PUDP: variants seen among roughly 807,000 people sequenced by gnomAD.
The protein encoded by PUDP is pseudouridine-5'-phosphatase.
PUDP carries 8 observed loss-of-function variants against 9.4 expected under a neutral mutation model. That is an observed-to-expected ratio of 0.85 (90% CI 0.50 to 1.53). The LOEUF (loss-of-function observed/expected upper bound fraction) is 1.53, where lower values mean the gene tolerates loss of function less well. Among genes scored for constraint, PUDP ranks in the 40% most tolerant of loss-of-function variants. PUDP has a pLI of 0.00. For synonymous variants in PUDP, 99 were observed against 80.7 expected (o/e 1.23, Z -1.22); for missense variants, 188 against 189.7 (o/e 0.99, Z 0.05).
intron 1 of PUDP, among the ~76,000 whole-genome samples, chrX:7,117,765 TCA>T (rs1190498728): frequency 5.3e-5 from 6 of 112,918 alleles, no homozygotes; most frequent in African/African-American, 1.6e-4. Flanking sequence ...GGGAAAGGTC[TCA>T]CAGGTATTTC....
At chrX:6,829,918 C>T (rs1383972761) in intron 3 of PUDP, among the ~76,000 whole-genome samples, 1 of 110,383 alleles carries the variant, frequency 9.1e-6, no homozygotes, top group Admixed American at 9.8e-5. Flanking sequence ...AGTACTCCAG[C>T]GTTCACGCAA....
At chrX:6,825,366 G>A (rs964659902) in intron 3 of PUDP, among the ~76,000 whole-genome samples, 10 of 111,165 alleles carry the variant, frequency 9.0e-5, no homozygotes, top group Non-Finnish European at 1.9e-4. Flanking sequence ...GCTTAGCACC[G>A]GGTCATTCCC....
chrX:6,992,838 T>C (rs1929203483), intron 1 of PUDP, among the ~76,000 whole-genome samples: 1 of 111,735 alleles, frequency 8.9e-6, no homozygotes, highest in African/African-American at 3.3e-5. Flanking sequence ...TTAATCTGGG[T>C]AGGCACCATT....
intron 1 of PUDP, among the ~76,000 whole-genome samples, chrX:7,108,520 T>C (rs1291989257): frequency 9.0e-6 from 1 of 111,055 alleles, no homozygotes; most frequent in Non-Finnish European, 1.9e-5. Flanking sequence ...CCCTCTTCCC[T>C]GCAGAAGACC....
intron 3 of PUDP, among the ~76,000 whole-genome samples, chrX:6,750,973 A>G (rs1602606257): frequency 1.8e-5 from 2 of 110,284 alleles, no homozygotes; most frequent in East Asian, 2.9e-4. Context: ...CCCCGTCTCT[A>G]GCAAAAATAC....
At chrX:7,076,128 C>CA (rs1326039849) in intron 3 of PUDP, among the ~76,000 whole-genome samples, 1 of 111,295 alleles carries the variant, frequency 9.0e-6, no homozygotes, top group Admixed American at 9.5e-5. Context: ...GCACCCTGGG[C>CA]AAAAAACAAA....
intron 3 of PUDP, among the ~76,000 whole-genome samples, chrX:7,065,470 C>G (rs1328867760): frequency 8.9e-6 from 1 of 112,453 alleles, no homozygotes; most frequent in Admixed American, 9.4e-5. Flanking sequence ...TTATGTCCCC[C>G]TCTCCACTGG....
chrX:6,758,000 C>G (rs188085215), intron 3 of PUDP, among the ~76,000 whole-genome samples: 1 of 112,235 alleles, frequency 8.9e-6, no homozygotes, highest in East Asian at 2.8e-4. Context: ...CGATGTGGAT[C>G]ATTAAGAGTT....
chrX:6,902,792 C>T (rs1357821217), intron 3 of PUDP, among the ~76,000 whole-genome samples: 1 of 111,706 alleles, frequency 9.0e-6, no homozygotes, highest in African/African-American at 3.3e-5. Context: ...TCAGTGTTCG[C>T]TCTCTGGAAC....
intron 3 of PUDP, among the ~76,000 whole-genome samples, chrX:6,961,978 T>C (rs1454115644): frequency 8.9e-6 from 1 of 112,416 alleles, no homozygotes; most frequent in Non-Finnish European, 1.9e-5. Context: ...TGAAGTATGG[T>C]AGGAATTAAT....
At chrX:7,006,536 G>A (rs1929404931) in intron 1 of PUDP, among the ~76,000 whole-genome samples, 2 of 110,934 alleles carry the variant, frequency 1.8e-5, no homozygotes, top group Middle Eastern at 4.7e-3. Context: ...TTTAAATTGG[G>A]TTGATTTTTT....
At chrX:6,945,247 A>G (rs1028781933) in intron 3 of PUDP, among the ~76,000 whole-genome samples, 1 of 111,517 alleles carries the variant, frequency 9.0e-6, no homozygotes, top group Admixed American at 9.6e-5. Context: ...AGTGTGTTGT[A>G]TGTGGAAGGA....
At chrX:6,839,200 G>A (rs925232224) in intron 3 of PUDP, among the ~76,000 whole-genome samples, 2 of 111,737 alleles carry the variant, frequency 1.8e-5, no homozygotes, top group African/African-American at 6.5e-5. Context: ...GAGGCAATAA[G>A]TAGTAGGGAG....
chrX:6,776,910 CG>C (rs2146681740), intron 3 of PUDP, among the ~76,000 whole-genome samples: 1 of 112,265 alleles, frequency 8.9e-6, no homozygotes, highest in Admixed American at 9.4e-5. Flanking sequence ...CCACACATCT[CG>C]GAATATTTCC....
chrX:6,751,528 A>T (rs1252530911), intron 3 of PUDP, among the ~76,000 whole-genome samples: 2 of 111,893 alleles, frequency 1.8e-5, no homozygotes, highest in Non-Finnish European at 3.8e-5. Flanking sequence ...AATACCAGAT[A>T]TTTCCTTTGA....
intron 3 of PUDP, among the ~76,000 whole-genome samples, chrX:6,873,124 C>G (rs772862257): frequency 1.8e-5 from 2 of 111,618 alleles, no homozygotes; most frequent in South Asian, 7.6e-4. Context: ...CTTTGGTCAT[C>G]AAACTTTTTG....
At chrX:6,709,554 G>A (rs1178408162) in intron 1 of PUDP, among the ~76,000 whole-genome samples, 1 of 112,041 alleles carries the variant, frequency 8.9e-6, no homozygotes, top group Non-Finnish European at 1.9e-5. Flanking sequence ...TTTAGTACGA[G>A]AGTCATTGAC....
chrX:6,990,317 T>G (rs139075081), intron 1 of PUDP, among the ~76,000 whole-genome samples: 3,112 of 111,444 alleles, frequency 0.028, 59 homozygotes, highest in African/African-American at 0.067. Context: ...GTTTGCCATG[T>G]AAAATCCCTC....
At chrX:6,894,877 A>G (rs12392103) in intron 3 of PUDP, among the ~76,000 whole-genome samples, 1,489 of 111,852 alleles carry the variant, frequency 0.013, 26 homozygotes, top group African/African-American at 0.046. Flanking sequence ...AAGTCTTGAG[A>G]TAGCATACAA....
Sources: gnomAD v4.1 joint callset for allele counts (sites outside exome capture counted in the v4.1 genomes callset) on GRCh38, gnomAD v4.1.1 for gene constraint, MANE v1.5 for transcripts, NCBI Gene and HGNC (gene_info 2026-07-23, HGNC 2026-07-21) for gene names.